The following NRN1L variants were observed in gnomAD, a reference collection of about 807,000 sequenced individuals.
NRN1L encodes the protein neuritin 1 like.
In NRN1L, 12 loss-of-function variants were observed where a neutral mutation model predicts 8.8. The ratio of observed to expected loss-of-function variants is 1.36; its 90% CI spans 0.87 to 2.20. NRN1L has a LOEUF of 2.20. Among genes scored for constraint, NRN1L ranks in the 30% most tolerant of loss-of-function variants. The pLI is 0.00. For synonymous variants in NRN1L, 114 were observed against 99.2 expected (o/e 1.15, Z -0.88); for missense variants, 266 against 232.4 (o/e 1.14, Z -0.94).
rs753101913 is a variant in NRN1L, at chr16:67,885,880, C to G, written c.212+26C>G. On this transcript the variant is annotated intron_variant, in intron 2 of 2. Coordinates refer to ENST00000339176, the MANE Select transcript of NRN1L (RefSeq NM_198443.2). ...GTACCGGCGGGTGTGAGGCAGTGGC[C>G]CAACCTGTGCCACCATTGGGGACTG... 2.5e-6 allele frequency: 4 copies of G among 1,571,224 alleles called. No individual in the cohort carries two copies. In the East Asian group the frequency reaches 9.0e-5, roughly 35 times the overall value.
downstream of NRN1L, chr16:67,886,512 T>G: frequency 2.0e-6 from 1 of 493,322 alleles, no homozygotes. Context: ...CAAACACTCA[T>G]TTCCCAGTGG....
At chr16:67,885,700 C>T in intron 1 of NRN1L, 22 bp from the exon 2 acceptor site, 5 of 1,131,440 alleles carry the variant, frequency 4.4e-6, no homozygotes, top group Non-Finnish European at 6.4e-6. Flanking sequence ...CCTTCCCCAC[C>T]CCACCCCCGC....
downstream of NRN1L, chr16:67,886,462 G>C (rs962406541): frequency 5.2e-6 from 3 of 577,988 alleles, no homozygotes; most frequent in Non-Finnish European, 9.0e-6. Context: ...GAATGGGCGG[G>C]GCTGAGGGCC....
chr16:67,884,936 C>G lies in NRN1L; in HGVS notation c.33C>G (p.Cys11Trp). Residue 11 changes from cysteine to tryptophan, a missense_variant, in exon 1 of 3, where the codon TGC (cysteine) becomes TGG (tryptophan). Physicochemically the swap from Cys to Trp is radical, Grantham distance 215. Coordinates refer to ENST00000339176, the MANE Select transcript of NRN1L (RefSeq NM_198443.2). This position sits in a 1 kb window ranked among gnomAD's most constrained non-coding sequence, Gnocchi z 4.1. ...GCTGCTGCCGCCGCCGCTGCTGCTGCCGGCAACCACCCCATGCCCTGAGGC... is the reference window on the plus strand; with the variant it reads ...GCTGCTGCCGCCGCCGCTGCTGCTGGCGGCAACCACCCCATGCCCTGAGGC... MMRCCRRRCCCRQPPHALRPL... is the reference protein window; with the variant it reads MMRCCRRRCCWRQPPHALRPL... 1.2e-6 allele frequency: 2 copies of G among 1,607,588 alleles called. No individual in the cohort carries two copies. Among genetic ancestry groups the G allele is most frequent in the Non-Finnish European group, 1.7e-6 (2 of 1,179,788 alleles).
chr16:67,888,277 G>A (rs1234773294), downstream of NRN1L, among the ~76,000 whole-genome samples: 1 of 152,174 alleles, frequency 6.6e-6, no homozygotes, highest in African/African-American at 2.4e-5. Context: ...CTGTGGAGGT[G>A]TGTCATCTTG....
At chr16:67,886,415 G>T, downstream of NRN1L, 1 of 722,194 alleles carries the variant, frequency 1.4e-6, no homozygotes, top group Non-Finnish European at 2.2e-6. Context: ...TGCGGCTGGG[G>T]CCAGGGACTC....
In NRN1L at chr16:67,885,767, G is replaced by T; in HGVS notation, c.125G>T (p.Cys42Phe). The T allele has an allele frequency of 1.2e-6, 2 of 1,607,344 alleles. No homozygotes were observed. The highest frequency in any genetic ancestry group is 1.7e-6 in the Non-Finnish European group (2 of 1,176,774). Residue 42 changes from cysteine to phenylalanine, a missense_variant, in exon 2 of 3, where the codon TGT (cysteine) becomes TTT (phenylalanine). Coordinates refer to ENST00000339176, the MANE Select transcript of NRN1L (RefSeq NM_198443.2). ...LAAAAAGPNRCDTIYQGFAEC... is the reference protein window; with the variant it reads ...LAAAAAGPNRFDTIYQGFAEC... ...GCAGCTGCAGCGGGCCCAAACCGATGTGACACCATATACCAGGGCTTCGCC... is the reference window on the plus strand; with the variant it reads ...GCAGCTGCAGCGGGCCCAAACCGATTTGACACCATATACCAGGGCTTCGCC...
At position 67,886,115 on chromosome 16, in the gene NRN1L, G is replaced by C; in HGVS notation, c.354G>C (p.Pro118=). 1 of 1,612,796 alleles carries C rather than the reference G, an allele frequency of 6.2e-7. No individual in the cohort carries two copies. The highest frequency in any genetic ancestry group is 8.5e-7 in the Non-Finnish European group (1 of 1,179,654). The change falls in exon 3 of 3, where the codon CCG becomes CCC. Residue 118 remains proline (P), a synonymous_variant. Coordinates refer to ENST00000339176, the MANE Select transcript of NRN1L (RefSeq NM_198443.2). ...PNNLHTLCGA[P]VHVRERGTGS... is the part of the protein sequence containing the mutation. Reference sequence around the variant, plus strand: ...ACTTGCACACTCTGTGCGGTGCCCCGGTGCATGTTCGGGAGCGCGGCACAG... The same window carrying C: ...ACTTGCACACTCTGTGCGGTGCCCCCGTGCATGTTCGGGAGCGCGGCACAG...
rs1387569822 is a variant in NRN1L at position 67,885,848 on chromosome 16, T to C, written c.206T>C (p.Ile69Thr). ...GGCCGCGGAGGCGAGCTGGAGACCA[T>C]CTGCAGGTACCGGCGGGTGTGAGGC... ...SMGRGGELETICRSWNDFHAC... is the reference protein window; with the variant it reads ...SMGRGGELETTCRSWNDFHAC... The change falls in exon 2 of 3, where the codon ATC (isoleucine) becomes ACC (threonine). Residue 69 changes from isoleucine (I) to threonine (T), a missense_variant. Transcript: ENST00000339176. 1.3e-6 allele frequency: 2 copies of C among 1,575,672 alleles called. No homozygotes were observed. The highest frequency in any genetic ancestry group is 1.2e-5 in the South Asian group (1 of 84,328).
chr16:67,885,894 C>T (rs373144527), intron 2 of NRN1L, 40 bp downstream of exon 2: 1 of 1,574,610 alleles, frequency 6.4e-7, no homozygotes, highest in Non-Finnish European at 8.6e-7. Context: ...CCTGTGCCAC[C>T]ATTGGGGACT....
At chr16:67,888,448 T>C (rs1018491489), downstream of NRN1L, among the ~76,000 whole-genome samples, 2 of 152,054 alleles carry the variant, frequency 1.3e-5, no homozygotes, top group Non-Finnish European at 1.5e-5. Flanking sequence ...GGCCTACTTT[T>C]CCCCTGGTTT....
chr16:67,885,353 G>C, intron 1 of NRN1L: 1 of 478,346 alleles, frequency 2.1e-6, no homozygotes, highest in East Asian at 4.0e-5. Context: ...AGCAAAGCTT[G>C]TCTAAACCGC....
At position 67,885,800 on chromosome 16, in the gene NRN1L, T is replaced by C. The variant is rs1157157110; in HGVS notation, c.158T>C (p.Leu53Pro). ...ATATACCAGGGCTTCGCCGAGTGTC[T>C]CATCCGCTTGGGGGACAGCATGGGC... Reference protein sequence around the residue: ...DTIYQGFAECLIRLGDSMGRG... With the variant: ...DTIYQGFAECPIRLGDSMGRG... The change falls in exon 2 of 3, where the codon CTC becomes CCC. Residue 53 changes from leucine to proline, a missense_variant. By Grantham distance (98) the Leu-to-Pro change is moderately conservative. Transcript: ENST00000339176. 1 of 1,590,474 alleles carries C rather than the reference T, an allele frequency of 6.3e-7. No homozygotes were observed. The highest frequency in any genetic ancestry group is 8.5e-7 in the Non-Finnish European group (1 of 1,170,620).
intron 1 of NRN1L, 107 bp from the exon 2 acceptor site, chr16:67,885,615 A>C: frequency 1.2e-6 from 1 of 844,758 alleles, no homozygotes; most frequent in Non-Finnish European, 1.8e-6. Context: ...CCGCTGAGTC[A>C]CATCCCCAGA....
At chr16:67,887,292 CTTT>C (rs921896791), downstream of NRN1L, among the ~76,000 whole-genome samples, 19 of 146,516 alleles carry the variant, frequency 1.3e-4, no homozygotes, top group Middle Eastern at 0.011. Context: ...TTATTCTTTA[CTTT>C]TTTTTTTTTT....
downstream of NRN1L, among the ~76,000 whole-genome samples, chr16:67,887,503 CA>C (rs1318496260): frequency 6.6e-6 from 1 of 151,810 alleles, no homozygotes; most frequent in African/African-American, 2.4e-5. Context: ...CTCCTAACCT[CA>C]GGTGATCTGA....
Position 67,886,145 on chromosome 16 carries a change from C to T in NRN1L, c.384C>T (p.Ser128=), listed in dbSNP as rs138912985. The change falls in exon 3 of 3, where the codon TCC becomes TCT. Residue 128 remains serine, a synonymous_variant. Coordinates refer to ENST00000339176, the MANE Select transcript of NRN1L (RefSeq NM_198443.2). ...PVHVRERGTG[S]ETNQETLRAT... ...ATGTTCGGGAGCGCGGCACAGGCTC[C>T]GAAACCAACCAGGAGACGCTGCGGG... 3.0e-5 allele frequency: 49 copies of T among 1,611,320 alleles called. No homozygotes were observed. The African/African-American group carries it at 5.3e-4, about 18-fold the overall frequency.
At chr16:67,885,944 C>T in intron 2 of NRN1L, 30 bp from the exon 3 acceptor site, 1 of 1,606,170 alleles carries the variant, frequency 6.2e-7, no homozygotes, top group Non-Finnish European at 8.5e-7. Context: ...CTTGCCTCAC[C>T]TAATCCCCCT....
At chr16:67,887,232 G>A (rs961554848), downstream of NRN1L, among the ~76,000 whole-genome samples, 18 of 151,982 alleles carry the variant, frequency 1.2e-4, no homozygotes, top group Non-Finnish European at 2.5e-4. Context: ...ACGGTTTACA[G>A]AGGCACTGCC....
Sources: gnomAD v4.1 joint callset for allele counts (sites outside exome capture counted in the v4.1 genomes callset) on GRCh38, gnomAD v4.1.1 for gene constraint, Gnocchi (gnomAD v3.1) non-coding constraint, MANE v1.5 for transcripts, NCBI Gene and HGNC (gene_info 2026-07-23, HGNC 2026-07-21) for gene names.